CALCRL: variants seen among roughly 807,000 people sequenced by gnomAD.
CALCRL encodes calcitonin receptor like receptor, also known as calcitonin gene-related peptide type 1 receptor.
Under a neutral mutation model 60.4 loss-of-function variants are expected in CALCRL, and 27 were observed. The ratio of observed to expected loss-of-function variants is 0.45; its 90% CI spans 0.33 to 0.62. CALCRL has a LOEUF of 0.62. Ranked by LOEUF, CALCRL falls within the 20% of genes least tolerant of loss-of-function variation. The pLI is 0.03. For missense variants in CALCRL, 424 were observed against 540.7 expected, an observed-to-expected ratio of 0.78 and a Z score of 2.14; for synonymous variants, 190 against 182.6, an observed-to-expected ratio of 1.04 and a Z score of -0.33.
intron 1 of CALCRL, among the ~76,000 whole-genome samples, chr2:187,396,169 A>T (rs1688644296): frequency 9.2e-6 from 1 of 109,218 alleles, no homozygotes; most frequent in African/African-American, 3.2e-5. Flanking sequence ...GGGAAAACAT[A>T]TCTAGGCCAA....
rs765924388 is a variant in CALCRL, at chr2:187,383,201, A to C, written c.156T>G (p.Ile52Met). The C allele has an allele frequency of 6.8e-6, 11 of 1,611,562 alleles. No individual in the cohort carries two copies. The South Asian group carries it at 1.2e-4, about 18-fold the overall frequency. Residue 52 changes from isoleucine (I) to methionine (M), a missense_variant, in exon 5 of 15, where the codon ATT (isoleucine) becomes ATG (methionine). Physicochemically the swap from Ile to Met is conservative, Grantham distance 10. This residue lies in a region of CALCRL where 108 missense variants were observed against 132.9 expected (regional missense o/e 0.81). Coordinates refer to ENST00000392370, the MANE Select transcript of CALCRL (RefSeq NM_005795.6). Reference protein sequence around the residue: ...MTAQYECYQKIMQDPIQQAEG... With the variant: ...MTAQYECYQKMMQDPIQQAEG... ...CTGCTTGTTGAATGGGGTCTTGCAT[A>C]ATCTTTTGGTAACATTCATATTGAG... is the stretch of plus-strand genomic sequence containing the variant.
intron 1 of CALCRL, among the ~76,000 whole-genome samples, chr2:187,434,106 G>A (rs1447960688): frequency 6.6e-6 from 1 of 152,000 alleles, no homozygotes; most frequent in African/African-American, 2.4e-5. Flanking sequence ...ATTAGATAAA[G>A]TTTTTGAATA....
intron 1 of CALCRL, among the ~76,000 whole-genome samples, chr2:187,394,143 G>A (rs1230580608): frequency 6.6e-6 from 1 of 152,062 alleles, no homozygotes; most frequent in African/African-American, 2.4e-5. Context: ...GCCTGAGAAA[G>A]AGTTGATTCC....
At position 187,344,556 on chromosome 2, in the gene CALCRL, A is replaced by G. The variant is rs973751466; in HGVS notation, c.*1628T>C. 1 of 151,682 alleles carries G rather than the reference A, an allele frequency of 6.6e-6. No individual in the cohort carries two copies. The highest frequency in any genetic ancestry group is 2.4e-5 in the African/African-American group (1 of 41,408). 9.4% of individuals were successfully genotyped at this position (151,682 alleles called of 1,614,324 possible). Reference sequence around the variant, plus strand: ...CATTAGAGAAACTGAATCCCATGCAAATTTCACTTTAATTCATTAGCAAGG... The same window carrying G: ...CATTAGAGAAACTGAATCCCATGCAGATTTCACTTTAATTCATTAGCAAGG... On this transcript the variant is annotated 3_prime_UTR_variant, in exon 15 of 15. Transcript: ENST00000392370.
At position 187,427,487 on chromosome 2, in the gene CALCRL, T is replaced by G. The variant is rs535569433; in HGVS notation, c.-293+20552A>C. 3.2e-4 allele frequency among the ~76,000 whole-genome samples: 49 copies of G among 152,246 alleles called. 1 individual carries two copies. Among genetic ancestry groups the G allele is most frequent in the African/African-American group, 1.2e-3 (48 of 41,566 alleles). On this transcript the variant is annotated intron_variant, in intron 1 of 14. Transcript: ENST00000392370. ...AAACAAATTTGAAAAGAAAAAATGATAAGTAAAGAATTTCATGAAGGTATT... is the reference window on the plus strand; with the variant it reads ...AAACAAATTTGAAAAGAAAAAATGAGAAGTAAAGAATTTCATGAAGGTATT...
At chr2:187,440,336 T>C (rs1027169894) in intron 1 of CALCRL, among the ~76,000 whole-genome samples, 1 of 152,148 alleles carries the variant, frequency 6.6e-6, no homozygotes, top group East Asian at 1.9e-4. Flanking sequence ...GTCTAAACTA[T>C]TTTGAGTAAT....
intron 8 of CALCRL, among the ~76,000 whole-genome samples, chr2:187,368,669 T>C (rs1160909628): frequency 6.6e-6 from 1 of 152,128 alleles, no homozygotes; most frequent in East Asian, 1.9e-4. Flanking sequence ...TTCTCAATAC[T>C]AATTATGAGC....
rs529374803 is a variant in CALCRL at position 187,342,187 on chromosome 2, G to T, written c.*3997C>A. 8.4e-4 allele frequency among the ~76,000 whole-genome samples: 128 copies of T among 151,848 alleles called. 3 individuals are homozygous for T. Among genetic ancestry groups the T allele is most frequent in the African/African-American group, 2.9e-3 (122 of 41,524 alleles). The stretch of plus-strand genomic sequence containing the variant: ...CAATCATATGAAAGTCTAGAATAGG[G>T]AAATCTGTTGAGACAGAATGTAAAT... On this transcript the variant is annotated 3_prime_UTR_variant, in exon 15 of 15. Coordinates refer to ENST00000392370, the MANE Select transcript of CALCRL (RefSeq NM_005795.6).
At chr2:187,445,952 GAACA>G (rs1220154202) in intron 1 of CALCRL, among the ~76,000 whole-genome samples, 1 of 151,306 alleles carries the variant, frequency 6.6e-6, no homozygotes, top group Non-Finnish European at 1.5e-5. Context: ...CAAAGTGAAT[GAACA>G]GTTTCATATA....
intron 12 of CALCRL, among the ~76,000 whole-genome samples, chr2:187,354,528 A>C (rs1361356019): frequency 1.3e-5 from 2 of 152,014 alleles, no homozygotes; most frequent in East Asian, 3.9e-4. Flanking sequence ...AAAATTGTGC[A>C]AAAACATATG....
intron 8 of CALCRL, among the ~76,000 whole-genome samples, chr2:187,371,039 A>G (rs866441276): frequency 4.6e-5 from 7 of 152,210 alleles, no homozygotes; most frequent in Admixed American, 3.9e-4. Flanking sequence ...TCAGGAGATC[A>G]AGATCATCCT....
intron 4 of CALCRL, among the ~76,000 whole-genome samples, chr2:187,384,405 C>T (rs1308379176): frequency 3.3e-5 from 5 of 152,158 alleles, no homozygotes; most frequent in Non-Finnish European, 7.4e-5. Context: ...GGAACACAGA[C>T]TCTGATTTGT....
intron 1 of CALCRL, among the ~76,000 whole-genome samples, chr2:187,440,029 A>G (rs1003672571): frequency 2.0e-5 from 3 of 152,118 alleles, no homozygotes; most frequent in African/African-American, 7.2e-5. Context: ...TTATTCAAAT[A>G]AATACTCCCT....
chr2:187,416,046 C>T (rs1689590332), intron 1 of CALCRL, among the ~76,000 whole-genome samples: 1 of 151,940 alleles, frequency 6.6e-6, no homozygotes, highest in Non-Finnish European at 1.5e-5. Flanking sequence ...TTGTGCTCAG[C>T]CAATAATAAT....
At chr2:187,395,477 G>T (rs1247775599) in intron 1 of CALCRL, among the ~76,000 whole-genome samples, 3 of 151,974 alleles carry the variant, frequency 2.0e-5, no homozygotes, top group Non-Finnish European at 4.4e-5. Flanking sequence ...TTCTGGCAAG[G>T]TCCCAAAATA....
At chr2:187,444,588 GA>G (rs1469235032) in intron 1 of CALCRL, among the ~76,000 whole-genome samples, 5 of 151,206 alleles carry the variant, frequency 3.3e-5, no homozygotes, top group African/African-American at 4.8e-5. Context: ...ACTAATTGAA[GA>G]AAAAAATGGA....
intron 1 of CALCRL, among the ~76,000 whole-genome samples, chr2:187,404,507 T>G (rs994912765): frequency 6.6e-6 from 1 of 151,448 alleles, no homozygotes; most frequent in Non-Finnish European, 1.5e-5. Context: ...TTTATTTATT[T>G]TTTTTTTTTG....
At chr2:187,426,927 A>G (rs1475439365) in intron 1 of CALCRL, among the ~76,000 whole-genome samples, 1 of 152,116 alleles carries the variant, frequency 6.6e-6, no homozygotes, top group African/African-American at 2.4e-5. Flanking sequence ...TATTTACCCT[A>G]TATTATTTAA....
chr2:187,363,507 AAAG>A lies in CALCRL; in HGVS notation c.501-8_501-6del. 6.3e-7 allele frequency: 1 copy of A among 1,588,444 alleles called. No homozygotes were observed. On this transcript the variant is annotated splice_polypyrimidine_tract_variant and splice_region_variant and intron_variant, in intron 8 of 14. Coordinates refer to ENST00000392370, the MANE Select transcript of CALCRL (RefSeq NM_005795.6). ...ATCCTTTGGCAACTTAGGCTCCTAA[AAAG>A]CAAGAAAAACAAGTGTGTTGACATC...
Sources: gnomAD v4.1 joint callset for allele counts (sites outside exome capture counted in the v4.1 genomes callset) on GRCh38, gnomAD v4.1.1 for gene constraint, gnomAD v4.1.1 regional missense constraint, MANE v1.5 for transcripts, NCBI Gene and HGNC (gene_info 2026-07-23, HGNC 2026-07-21) for gene names.